RTN1: variants seen among roughly 807,000 people sequenced by gnomAD.
RTN1 encodes the protein reticulon-1.
RTN1 carries 25 observed loss-of-function variants against 65.5 expected under a neutral mutation model. The observed-to-expected ratio is 0.38, with a 90% CI of 0.28 to 0.53. The LOEUF (loss-of-function observed/expected upper bound fraction) is 0.53, where lower values mean the gene tolerates loss of function less well. RTN1 is among the 20% of genes least tolerant of loss of function. The pLI is 0.79. For missense variants in RTN1, 983 were observed against 1,025.4 expected (o/e 0.96, Z 0.57); for synonymous variants, 471 against 447.6 (o/e 1.05, Z -0.66).
At chr14:59,760,955 C>T (rs146776700) in intron 1 of RTN1, among the ~76,000 whole-genome samples, 1 of 152,290 alleles carries the variant, frequency 6.6e-6, no homozygotes, top group East Asian at 1.9e-4. Flanking sequence ...TACAGAGGGG[C>T]AGTGAGACTA....
At chr14:59,770,107 G>A (rs1164703040) in intron 1 of RTN1, among the ~76,000 whole-genome samples, 3 of 152,026 alleles carry the variant, frequency 2.0e-5, no homozygotes, top group Admixed American at 1.3e-4. Flanking sequence ...GCCAGGCGTG[G>A]TGGCTCATGC....
chr14:59,790,188 G>A lies in RTN1; in HGVS notation c.242-43707C>T, dbSNP rs572585824. ...CAAGTTCAAATAACAGAGTCTAGTC[G>A]TGTGTCTTGGGAGATTTTAACTAGT... On this transcript the variant is annotated intron_variant, in intron 1 of 8. Transcript: ENST00000267484. The surrounding 1 kb of genome is among the most constrained non-coding windows in gnomAD (Gnocchi z 4.1). Among the ~76,000 whole-genome samples the A allele has an allele frequency of 7.9e-5, 12 of 151,878 alleles. No homozygotes were observed. Among genetic ancestry groups the A allele is most frequent in the Admixed American group, 1.3e-4 (2 of 15,226 alleles).
intron 3 of RTN1, among the ~76,000 whole-genome samples, chr14:59,672,709 C>T (rs966865288): frequency 1.7e-4 from 23 of 136,276 alleles, no homozygotes; most frequent in Non-Finnish European, 3.1e-4. Flanking sequence ...GGCGCAATCT[C>T]GGCTCACTGC....
chr14:59,793,571 C>T (rs879392821), intron 1 of RTN1, among the ~76,000 whole-genome samples: 13 of 151,604 alleles, frequency 8.6e-5, no homozygotes, highest in East Asian at 1.9e-4. Flanking sequence ...TCATTCTCTA[C>T]GCCAGAGAGA....
At chr14:59,614,739 A>T (rs1413121376) in intron 3 of RTN1, among the ~76,000 whole-genome samples, 1 of 152,186 alleles carries the variant, frequency 6.6e-6, no homozygotes, top group Non-Finnish European at 1.5e-5. Context: ...AGCCAAGTCC[A>T]CTAGCTATGC....
chr14:59,720,757 C>T (rs1045412978), intron 3 of RTN1, among the ~76,000 whole-genome samples: 30 of 151,402 alleles, frequency 2.0e-4, no homozygotes, highest in African/African-American at 5.6e-4. Flanking sequence ...GGTGGAAAAT[C>T]GATGTCTCCA....
chr14:59,802,276 G>A (rs920143156), intron 1 of RTN1, among the ~76,000 whole-genome samples: 1 of 152,214 alleles, frequency 6.6e-6, no homozygotes, highest in African/African-American at 2.4e-5. Flanking sequence ...CTGTGGTCCA[G>A]CAGCACCAGC....
chr14:59,619,045 T>G (rs1321242309), intron 3 of RTN1, among the ~76,000 whole-genome samples: 1 of 152,184 alleles, frequency 6.6e-6, no homozygotes, highest in Non-Finnish European at 1.5e-5. Flanking sequence ...GTACTAGAAT[T>G]GACAAAGAAA....
At chr14:59,810,878 G>A (rs755129658) in intron 1 of RTN1, among the ~76,000 whole-genome samples, 2 of 152,118 alleles carry the variant, frequency 1.3e-5, no homozygotes, top group African/African-American at 2.4e-5. Context: ...CCCAAACATA[G>A]TTGGAGCAGT....
chr14:59,642,373 T>C (rs1378877693), intron 3 of RTN1, among the ~76,000 whole-genome samples: 1 of 152,170 alleles, frequency 6.6e-6, no homozygotes, highest in Non-Finnish European at 1.5e-5. Flanking sequence ...TTTTGAATAA[T>C]GTCTCATATA....
intron 1 of RTN1, among the ~76,000 whole-genome samples, chr14:59,806,278 T>G (rs1486500535): frequency 2.0e-5 from 3 of 151,290 alleles, no homozygotes; most frequent in African/African-American, 7.3e-5. Flanking sequence ...ATATTTGACT[T>G]AATACAATTG....
intron 1 of RTN1, among the ~76,000 whole-genome samples, chr14:59,799,693 T>C (rs573457941): frequency 6.6e-6 from 1 of 152,306 alleles, no homozygotes; most frequent in African/African-American, 2.4e-5. Flanking sequence ...GAGCAGAGTG[T>C]CCTTTGGTGG....
chr14:59,708,236 G>T (rs112016781), intron 3 of RTN1, among the ~76,000 whole-genome samples: 16 of 152,304 alleles, frequency 1.1e-4, no homozygotes, highest in African/African-American at 3.6e-4. Flanking sequence ...ACAGTCTCAG[G>T]AATCTGTTCA....
chr14:59,612,579 G>A (rs1192830916), intron 3 of RTN1, among the ~76,000 whole-genome samples: 2 of 152,194 alleles, frequency 1.3e-5, no homozygotes, highest in African/African-American at 2.4e-5. Context: ...TAACGGAGAG[G>A]GGGTATTGCA....
chr14:59,783,330 GGT>G (rs1172364601), intron 1 of RTN1, among the ~76,000 whole-genome samples: 1 of 152,138 alleles, frequency 6.6e-6, no homozygotes, highest in Non-Finnish European at 1.5e-5. Flanking sequence ...AAGGTGCCCT[GGT>G]GGGGTTATAC....
rs773159373 is a variant in RTN1, at chr14:59,726,950, C to T, written c.1734G>A (p.Pro578=). ...GCTTATTGAGAAACAGCAGTGGGGGCGGGGCGCCAGGACCTAGAGGCCCAG... is the reference window on the plus strand; with the variant it reads ...GCTTATTGAGAAACAGCAGTGGGGGTGGGGCGCCAGGACCTAGAGGCCCAG... The part of the protein sequence containing the change: ...KGPGPLGPGA[P]PPLLFLNKQK... Residue 578 remains proline (P), a synonymous_variant, in exon 3 of 9, where the codon CCG becomes CCA. Coordinates refer to ENST00000267484, the MANE Select transcript of RTN1 (RefSeq NM_021136.3). 1.4e-5 allele frequency: 22 copies of T among 1,612,892 alleles called. No homozygotes were observed. In the East Asian group the frequency reaches 3.3e-4, roughly 25 times the overall value.
intron 3 of RTN1, chr14:59,630,425 C>G: frequency 6.2e-7 from 1 of 1,613,228 alleles, no homozygotes; most frequent in South Asian, 1.1e-5. Context: ...CAGGCATGCA[C>G]TACTGAAATA....
At chr14:59,672,795 C>T (rs373896020) in intron 3 of RTN1, among the ~76,000 whole-genome samples, 2,738 of 150,048 alleles carry the variant, frequency 0.018, 76 homozygotes, top group African/African-American at 0.063. Flanking sequence ...CGCCCGCCAC[C>T]GCGCCTGGCT....
rs1887019691 is a variant in RTN1 at position 59,825,698 on chromosome 14, T to C, written c.241+44692A>G. On this transcript the variant is annotated intron_variant, in intron 1 of 8. Coordinates refer to ENST00000267484, the MANE Select transcript of RTN1 (RefSeq NM_021136.3). The surrounding 1 kb of genome is among the most constrained non-coding windows in gnomAD (Gnocchi z 4.2). The stretch of plus-strand genomic sequence containing the variant: ...AAGGAATAGTGTTACTGTGTGCTCT[T>C]AGAGTTACACAGAATTTTACAGTCT... 6.6e-6 allele frequency among the ~76,000 whole-genome samples: 1 copy of C among 152,210 alleles called. No homozygotes were observed. Among genetic ancestry groups the C allele is most frequent in the Non-Finnish European group, 1.5e-5 (1 of 68,034 alleles).
Sources: gnomAD v4.1 joint callset for allele counts (sites outside exome capture counted in the v4.1 genomes callset) on GRCh38, gnomAD v4.1.1 for gene constraint, Gnocchi (gnomAD v3.1) non-coding constraint, MANE v1.5 for transcripts, NCBI Gene and HGNC (gene_info 2026-07-23, HGNC 2026-07-21) for gene names.